The following PLIN2 variants were observed in gnomAD, a reference collection of about 807,000 sequenced individuals.
PLIN2 encodes the protein perilipin-2.
Under a neutral mutation model 30.6 loss-of-function variants are expected in PLIN2, and 33 were observed. The ratio of observed to expected loss-of-function variants is 1.08; its 90% CI spans 0.82 to 1.44. The LOEUF (loss-of-function observed/expected upper bound fraction) is 1.44, where lower values mean the gene tolerates loss of function less well. Among genes scored for constraint, PLIN2 ranks in the 40% most tolerant of loss-of-function variants. The pLI is 0.00. For synonymous variants in PLIN2, 205 were observed against 201.1 expected (o/e 1.02, Z -0.16); for missense variants, 610 against 531.8 (o/e 1.15, Z -1.45).
chr9:19,120,782 A>G, intron 5 of PLIN2, 98 bp downstream of exon 5: 1 of 963,870 alleles, frequency 1.0e-6, no homozygotes, highest in Non-Finnish European at 1.6e-6. Context: ...TGCTTGCACA[A>G]CTGTGTAAAT....
At position 19,119,946 on chromosome 9, in the gene PLIN2, A is replaced by G. The variant is rs77294733; in HGVS notation, c.596-115T>C. On this transcript the variant is annotated intron_variant, in intron 5 of 7. Coordinates refer to ENST00000276914, the MANE Select transcript of PLIN2 (RefSeq NM_001122.4). ...ACTTCTACCCAATCACTTAGCAATCATGCAGTCATTTTTCCAAGACTGCTC... is the reference window on the plus strand; with the variant it reads ...ACTTCTACCCAATCACTTAGCAATCGTGCAGTCATTTTTCCAAGACTGCTC... The G allele has an allele frequency of 8.0e-3, 5,289 of 664,652 alleles. 34 individuals are homozygous for G. The highest frequency in any genetic ancestry group is 0.01 in the Admixed American group (373 of 35,666). 41.2% of individuals were successfully genotyped at this position (664,652 alleles called of 1,614,324 possible). A position where few individuals can be genotyped will look rare whatever the true frequency, so the allele number is the denominator to read the frequency against.
chr9:19,108,473 A>G (rs549577318), exon 3 of PLIN2: 16 of 152,544 alleles, frequency 1.0e-4, no homozygotes, highest in South Asian at 1.0e-3. Flanking sequence ...ACAAAAGTTT[A>G]GATCAGAGTG....
chr9:19,119,231 T>C (rs1033874820), intron 6 of PLIN2, among the ~76,000 whole-genome samples: 1 of 152,222 alleles, frequency 6.6e-6, no homozygotes, highest in Non-Finnish European at 1.5e-5. Context: ...ATGTGCATTG[T>C]TATAGTCTCT....
At chr9:19,120,085 G>T (rs1435536026) in intron 5 of PLIN2, among the ~76,000 whole-genome samples, 1 of 151,430 alleles carries the variant, frequency 6.6e-6, no homozygotes, top group Non-Finnish European at 1.5e-5. Context: ...TTGGAAACAG[G>T]TCTTGCTTTG....
At chr9:19,118,774 G>T (rs192281173) in intron 6 of PLIN2, among the ~76,000 whole-genome samples, 21 of 152,234 alleles carry the variant, frequency 1.4e-4, no homozygotes, top group African/African-American at 5.1e-4. Flanking sequence ...GTACAGTGGC[G>T]CGATCACAGC....
In PLIN2 at chr9:19,126,396, C is replaced by A. The variant is rs756981095; in HGVS notation, c.30+1G>T. On this transcript the variant is annotated splice_donor_variant, in intron 2 of 7. Coordinates refer to ENST00000276914, the MANE Select transcript of PLIN2 (RefSeq NM_001122.4). LOFTEE classifies it high-confidence loss of function. ...AGACAAAGGCTACTCAAAATTCATA[C>A]CGGTTGTGGATCAACTGCAACGGAT... 2 of 1,613,956 alleles carry A rather than the reference C, an allele frequency of 1.2e-6. No individual in the cohort carries two copies. The highest frequency in any genetic ancestry group is 1.7e-6 in the Non-Finnish European group (2 of 1,179,934).
At chr9:19,124,640 T>C (rs1818368660) in intron 3 of PLIN2, among the ~76,000 whole-genome samples, 1 of 152,172 alleles carries the variant, frequency 6.6e-6, no homozygotes, top group East Asian at 1.9e-4. Flanking sequence ...GGTGGGAATG[T>C]AAAATGGTAC....
At chr9:19,110,092 C>T (rs1021282755) in intron 2 of PLIN2, among the ~76,000 whole-genome samples, 1 of 152,098 alleles carries the variant, frequency 6.6e-6, no homozygotes, top group Non-Finnish European at 1.5e-5. Context: ...GGCGTAATCT[C>T]AGCTGTCTGC....
At chr9:19,111,441 G>C (rs993092880), downstream of PLIN2, among the ~76,000 whole-genome samples, 1 of 152,108 alleles carries the variant, frequency 6.6e-6, no homozygotes, top group Non-Finnish European at 1.5e-5. Context: ...CACCAATTAA[G>C]AGTATAATTT....
Position 19,117,306 on chromosome 9 carries a change from G to A in PLIN2, c.913-657C>T, listed in dbSNP as rs571047668. On this transcript the variant is annotated intron_variant, in intron 7 of 7. Transcript: ENST00000276914. ...CTCTCGAGCAACTAGGACTACAGGT[G>A]CACACCACCACACCCTGCTAATTTT... is the stretch of plus-strand genomic sequence containing the variant. 1.2e-4 allele frequency among the ~76,000 whole-genome samples: 18 copies of A among 152,116 alleles called. 1 individual carries two copies. Among genetic ancestry groups the A allele is most frequent in the Admixed American group, 1.1e-3 (17 of 15,276 alleles).
chr9:19,114,932 G>T (rs184173579), downstream of PLIN2, among the ~76,000 whole-genome samples: 144 of 152,286 alleles, frequency 9.5e-4, no homozygotes, highest in African/African-American at 3.4e-3. Flanking sequence ...AACAACTGAG[G>T]TTAGTGACTT....
chr9:19,123,506 C>T (rs753070424), intron 4 of PLIN2, 59 bp downstream of exon 4: 1 of 1,612,794 alleles, frequency 6.2e-7, no homozygotes, highest in Non-Finnish European at 8.5e-7. Flanking sequence ...CTTGTTTTAA[C>T]AGATAGAAGA....
At chr9:19,125,959 G>A in intron 3 of PLIN2, 155 bp downstream of exon 3, 1 of 563,208 alleles carries the variant, frequency 1.8e-6, no homozygotes, top group Non-Finnish European at 3.2e-6. Context: ...AAAAGAAACA[G>A]TCCTCTTACG....
intron 7 of PLIN2, 65 bp from the exon 8 acceptor site, chr9:19,116,714 A>T: frequency 7.1e-7 from 1 of 1,402,544 alleles, no homozygotes; most frequent in Non-Finnish European, 9.9e-7. Flanking sequence ...GTTCGATGAC[A>T]GTAGGCTGGT....
intron 7 of PLIN2, among the ~76,000 whole-genome samples, chr9:19,117,924 C>T (rs551132023): frequency 1.6e-4 from 25 of 152,254 alleles, no homozygotes; most frequent in African/African-American, 5.8e-4. Flanking sequence ...GCCAATAGTA[C>T]CTGTATTTAT....
At chr9:19,112,343 T>A (rs759170693), downstream of PLIN2, among the ~76,000 whole-genome samples, 8 of 152,170 alleles carry the variant, frequency 5.3e-5, no homozygotes, top group Non-Finnish European at 8.8e-5. Flanking sequence ...TCAAAAGAAC[T>A]GTTTTCTGGA....
intron 4 of PLIN2, among the ~76,000 whole-genome samples, chr9:19,121,489 CAAAAA>C (rs375474450): frequency 1.1e-4 from 5 of 45,264 alleles, no homozygotes; most frequent in Admixed American, 2.5e-4. Flanking sequence ...GACCCTGTCT[CAAAAA>C]AAAAAAAAAA....
At chr9:19,108,868 T>C (rs1818124487) in intron 2 of PLIN2, 1 of 152,394 alleles carries the variant, frequency 6.6e-6, no homozygotes, top group South Asian at 2.1e-4. Flanking sequence ...TAGCTGTGCT[T>C]TTTGAAAAGA....
chr9:19,111,291 T>G (rs1818155518), downstream of PLIN2, among the ~76,000 whole-genome samples: 1 of 152,004 alleles, frequency 6.6e-6, no homozygotes, highest in African/African-American at 2.4e-5. Context: ...TCAAGTGATC[T>G]GCCGACTCGG....
Sources: allele counts gnomAD v4.1 joint callset (sites outside exome capture counted in the v4.1 genomes callset), GRCh38; gene constraint gnomAD v4.1.1; transcripts MANE v1.5; gene names NCBI Gene and HGNC (gene_info 2026-07-23, HGNC 2026-07-21).